Variants in WIF1 observed in about 807,000 individuals in gnomAD.
WIF1 encodes Wnt inhibitory factor 1.
In WIF1, 35 loss-of-function variants were observed where a neutral mutation model predicts 53.5. The observed-to-expected ratio is 0.65, with a 90% confidence interval of 0.50 to 0.87. WIF1 has a LOEUF of 0.87. Ranked by LOEUF, WIF1 falls within the 40% of genes least tolerant of loss-of-function variation. The probability of loss-of-function intolerance (pLI) is 0.00; values close to 1 mark genes in which losing one functional copy is unlikely to be tolerated. For missense variants in WIF1, 467 were observed against 476.8 expected (o/e 0.98, Z 0.19); for synonymous variants, 171 against 170.4 (o/e 1.00, Z -0.03).
intron 2 of WIF1, among the ~76,000 whole-genome samples, chr12:65,109,326 C>G (rs1003616311): frequency 6.6e-6 from 1 of 152,196 alleles, no homozygotes; most frequent in African/African-American, 2.4e-5. Flanking sequence ...GCTTTATACT[C>G]TCATAGCATC....
intron 2 of WIF1, among the ~76,000 whole-genome samples, chr12:65,103,948 C>A (rs1226703484): frequency 6.7e-6 from 1 of 149,666 alleles, no homozygotes; most frequent in African/African-American, 2.4e-5. Context: ...ACCTCTGGTC[C>A]CAGCTACCTG....
intron 3 of WIF1, among the ~76,000 whole-genome samples, chr12:65,073,819 C>G (rs1882818487): frequency 6.6e-6 from 1 of 152,184 alleles, no homozygotes; most frequent in Non-Finnish European, 1.5e-5. Flanking sequence ...CCATAAACTT[C>G]TTGCACCTGC....
At chr12:65,098,345 T>C (rs1452549239) in intron 2 of WIF1, among the ~76,000 whole-genome samples, 1 of 152,146 alleles carries the variant, frequency 6.6e-6, no homozygotes, top group African/African-American at 2.4e-5. Flanking sequence ...CACAAAGCCC[T>C]TCTAAGGGAA....
rs1256760218 is a variant in WIF1, at chr12:65,121,194, T to A, written c.-3A>T. ...GGGAAGGCGCTCCTCCGGGCCATGC[T>A]GCTCAGGACCTCCTCGCTGCCGGGA... On this transcript the variant is annotated 5_prime_UTR_variant, in exon 1 of 10. Coordinates refer to ENST00000286574, the MANE Select transcript of WIF1 (RefSeq NM_007191.5). The A allele has an allele frequency of 6.6e-7, 1 of 1,507,282 alleles. No homozygotes were observed. Among genetic ancestry groups the A allele is most frequent in the East Asian group, 2.5e-5 (1 of 39,694 alleles). The allele number at this position is 1,507,282 out of a possible 1,614,324, so 93.4% of individuals were successfully genotyped here.
chr12:65,081,230 T>C (rs2136623764), intron 2 of WIF1, among the ~76,000 whole-genome samples: 1 of 152,314 alleles, frequency 6.6e-6, no homozygotes, highest in Non-Finnish European at 1.5e-5. Flanking sequence ...TGAACATCTA[T>C]TTAACGTGGC....
At chr12:65,066,242 G>A (rs1458917019) in intron 6 of WIF1, among the ~76,000 whole-genome samples, 1 of 152,018 alleles carries the variant, frequency 6.6e-6, no homozygotes. Flanking sequence ...AAGTTTTGTG[G>A]GTAAATTCTG....
At chr12:65,075,906 T>C (rs1004242995) in intron 3 of WIF1, among the ~76,000 whole-genome samples, 2 of 152,166 alleles carry the variant, frequency 1.3e-5, no homozygotes, top group South Asian at 4.1e-4. Context: ...CACTATTATC[T>C]CAATATAAAA....
intron 2 of WIF1, among the ~76,000 whole-genome samples, chr12:65,102,239 C>A (rs1326522295): frequency 6.6e-6 from 1 of 151,994 alleles, no homozygotes; most frequent in Non-Finnish European, 1.5e-5. Context: ...GAAACAGAAC[C>A]AATAGGAGTT....
chr12:65,101,109 TAAAACTC>T (rs910209400), intron 2 of WIF1, among the ~76,000 whole-genome samples: 16 of 152,184 alleles, frequency 1.1e-4, no homozygotes, highest in African/African-American at 3.9e-4. Flanking sequence ...GTAATGAACT[TAAAACTC>T]AGTCAGGATT....
intron 7 of WIF1, among the ~76,000 whole-genome samples, chr12:65,059,572 ACC>A (rs1339301310): frequency 6.6e-6 from 1 of 152,166 alleles, no homozygotes; most frequent in Non-Finnish European, 1.5e-5. Context: ...CCATCCAGAT[ACC>A]TCTAACCATA....
At chr12:65,065,506 A>G (rs987119903) in intron 6 of WIF1, among the ~76,000 whole-genome samples, 5 of 152,204 alleles carry the variant, frequency 3.3e-5, no homozygotes, top group Non-Finnish European at 1.5e-5. Flanking sequence ...TTTGTACATC[A>G]TAAAAGAGTA....
At chr12:65,074,385 C>T (rs1022048347) in intron 3 of WIF1, among the ~76,000 whole-genome samples, 4 of 151,598 alleles carry the variant, frequency 2.6e-5, no homozygotes, top group African/African-American at 7.3e-5. Context: ...CTATGATGAG[C>T]TTATATTCCT....
At chr12:65,118,455 C>T (rs1314182020) in intron 2 of WIF1, among the ~76,000 whole-genome samples, 3 of 149,190 alleles carry the variant, frequency 2.0e-5, no homozygotes, top group Non-Finnish European at 4.5e-5. Flanking sequence ...TGTGTAGATT[C>T]TTCCCCCTCA....
Position 65,077,773 on chromosome 12 carries a change from G to C in WIF1, c.370C>G (p.Leu124Val). 10 of 1,613,792 alleles carry C rather than the reference G, an allele frequency of 6.2e-6. No homozygotes were observed. Among genetic ancestry groups the C allele is most frequent in the Non-Finnish European group, 8.5e-6 (10 of 1,179,772 alleles). Reference protein sequence around the residue: ...MADPTVNVPLLGTVPHKASVV... With the variant: ...MADPTVNVPLVGTVPHKASVV... Reference sequence around the variant, plus strand: ...GATGCCTTGTGAGGCACTGTTCCCAGCAGAGGGACATTGACGGTTGGATCT... The same window carrying C: ...GATGCCTTGTGAGGCACTGTTCCCACCAGAGGGACATTGACGGTTGGATCT... Residue 124 changes from leucine to valine, a missense_variant, in exon 3 of 10, where the codon CTG (leucine) becomes GTG (valine). Leu to Val is a conservative substitution (Grantham distance 32, BLOSUM62 1). Transcript: ENST00000286574.
Position 65,053,192 on chromosome 12 carries a change from T to C in WIF1, c.1019-1722A>G, listed in dbSNP as rs185804773. On this transcript the variant is annotated intron_variant, in intron 9 of 9. Coordinates refer to ENST00000286574, the MANE Select transcript of WIF1 (RefSeq NM_007191.5). ...AGGGATACCATTCAACCATTCCCACTGTGTGAGAAGCAATTTTCCAGAGGA... is the reference window on the plus strand; with the variant it reads ...AGGGATACCATTCAACCATTCCCACCGTGTGAGAAGCAATTTTCCAGAGGA... Among the ~76,000 whole-genome samples the C allele has an allele frequency of 3.3e-5, 5 of 152,332 alleles. No homozygotes were observed. The East Asian group carries it at 9.7e-4, about 29-fold the overall frequency.
chr12:65,092,049 G>C (rs989635241), intron 2 of WIF1, among the ~76,000 whole-genome samples: 1 of 152,062 alleles, frequency 6.6e-6, no homozygotes, highest in Non-Finnish European at 1.5e-5. Context: ...CTTCAGTGGA[G>C]AAAGATGGTA....
At chr12:65,077,880 G>C in intron 2 of WIF1, 26 bp from the exon 3 acceptor site, 5 of 1,569,430 alleles carry the variant, frequency 3.2e-6, no homozygotes, top group Non-Finnish European at 4.4e-6. Flanking sequence ...CTGACAGTTA[G>C]TAACATGGAA....
chr12:65,106,084 C>T (rs1305406552), intron 2 of WIF1, among the ~76,000 whole-genome samples: 1 of 152,120 alleles, frequency 6.6e-6, no homozygotes, highest in Admixed American at 6.5e-5. Context: ...CAGGATATCT[C>T]CATTCAGGAT....
intron 8 of WIF1, among the ~76,000 whole-genome samples, chr12:65,055,796 CAAAG>C (rs1208487014): frequency 1.3e-5 from 2 of 152,120 alleles, no homozygotes; most frequent in Non-Finnish European, 2.9e-5. Flanking sequence ...CAAAACAAAA[CAAAG>C]AAACCACCTT....
Sources: gnomAD v4.1 joint callset for allele counts (sites outside exome capture counted in the v4.1 genomes callset) on GRCh38, gnomAD v4.1.1 for gene constraint, MANE v1.5 for transcripts, NCBI Gene and HGNC (gene_info 2026-07-23, HGNC 2026-07-21) for gene names.